The following DPP4 variants were observed in gnomAD, a reference collection of about 807,000 sequenced individuals.
The protein encoded by DPP4 is ADCP-2.
Under a neutral mutation model 122.4 loss-of-function variants are expected in DPP4, and 93 were observed. The observed-to-expected ratio is 0.76, with a 90% CI of 0.64 to 0.90. The LOEUF is 0.90. Among genes scored for constraint, DPP4 ranks in the 40% least tolerant of loss-of-function variants. The pLI is 0.00. For missense variants in DPP4, 914 were observed against 907.3 expected, an observed-to-expected ratio of 1.01 and a Z score of -0.09; for synonymous variants, 321 against 302.9, an observed-to-expected ratio of 1.06 and a Z score of -0.62.
chr2:162,039,277 T>C (rs1013231982), intron 5 of DPP4, 93 bp from the exon 6 acceptor site: 13 of 1,047,836 alleles, frequency 1.2e-5, no homozygotes, highest in Non-Finnish European at 1.6e-5. Flanking sequence ...TGGTAATATA[T>C]GATTGTATAA....
chr2:162,047,533 C>T (rs1044711014), intron 2 of DPP4, 32 bp from the exon 3 acceptor site: 1 of 1,448,392 alleles, frequency 6.9e-7, no homozygotes, highest in Non-Finnish European at 9.5e-7. Context: ...ATGTTCATTT[C>T]AGTAAGATGG....
intron 10 of DPP4, among the ~76,000 whole-genome samples, chr2:162,027,846 C>G (rs923779083): frequency 3.3e-5 from 5 of 152,050 alleles, no homozygotes; most frequent in African/African-American, 1.2e-4. Flanking sequence ...TCTTCCCTGC[C>G]CATTTTCAGA....
At chr2:162,037,416 T>C (rs1000841808) in intron 8 of DPP4, among the ~76,000 whole-genome samples, 1 of 152,196 alleles carries the variant, frequency 6.6e-6, no homozygotes, top group African/African-American at 2.4e-5. Context: ...TTCTAGGACA[T>C]GAAAAGTTAT....
chr2:162,003,319 C>G (rs1701198040), intron 23 of DPP4, among the ~76,000 whole-genome samples: 1 of 152,096 alleles, frequency 6.6e-6, no homozygotes, highest in Non-Finnish European at 1.5e-5. Flanking sequence ...AGAGGGGGAA[C>G]TCGGTGGGAA....
In DPP4 at chr2:162,045,425, T is replaced by A. The variant is rs577161753; in HGVS notation, c.366+107A>T. ...TGAATTAATGAGTTTTAGTGCCTAT[T>A]ACATTACTTAGATATTAATCTTAAG... On this transcript the variant is annotated intron_variant, in intron 5 of 25. Transcript: ENST00000360534. 1.0e-5 allele frequency: 8 copies of A among 783,322 alleles called. No homozygotes were observed. The East Asian group carries it at 2.1e-4, about 20-fold the overall frequency. The allele number at this position is 783,322 out of a possible 1,614,324, so 48.5% of individuals were successfully genotyped here. A position where few individuals can be genotyped will look rare whatever the true frequency, so the allele number is the denominator to read the frequency against.
At position 161,993,477 on chromosome 2, in the gene DPP4, A is replaced by T. The variant is rs1424348830; in HGVS notation, c.2200-93T>A. On this transcript the variant is annotated intron_variant, in intron 25 of 25. Transcript: ENST00000360534. ...AATTCAAATGAGCTCTCACGAGCAT[A>T]CATGGTATAAAACAGAGTGTTTTAA... 4.5e-6 allele frequency: 4 copies of T among 890,732 alleles called. No individual in the cohort carries two copies. The African/African-American group carries it at 6.7e-5, about 15-fold the overall frequency. 55.2% of individuals were successfully genotyped at this position (890,732 alleles called of 1,614,324 possible).
At chr2:162,050,646 A>C (rs1332382442) in intron 2 of DPP4, among the ~76,000 whole-genome samples, 1 of 152,202 alleles carries the variant, frequency 6.6e-6, no homozygotes, top group African/African-American at 2.4e-5. Context: ...AGAGCGGCTA[A>C]ATTGGAGCAA....
At chr2:162,057,657 A>T (rs990598884) in intron 2 of DPP4, among the ~76,000 whole-genome samples, 2 of 152,176 alleles carry the variant, frequency 1.3e-5, no homozygotes, top group African/African-American at 2.4e-5. Context: ...TTGATCTGAG[A>T]TCTTCTGTGT....
chr2:162,005,668 A>G, intron 23 of DPP4, 77 bp downstream of exon 23: 1 of 1,274,450 alleles, frequency 7.8e-7, no homozygotes, highest in Non-Finnish European at 1.1e-6. Flanking sequence ...TGTATTTTCT[A>G]GAATAGATAC....
At chr2:161,999,361 A>G (rs1462336390) in intron 23 of DPP4, among the ~76,000 whole-genome samples, 1 of 152,234 alleles carries the variant, frequency 6.6e-6, no homozygotes, top group Non-Finnish European at 1.5e-5. Context: ...TTGCCTATCC[A>G]TGGAAACAGA....
At position 162,073,395 on chromosome 2, in the gene DPP4, T is replaced by C. The variant is rs1323288927; in HGVS notation, c.94+4A>G. On this transcript the variant is annotated splice_donor_region_variant and intron_variant, in intron 2 of 25. Coordinates refer to ENST00000360534, the MANE Select transcript of DPP4 (RefSeq NM_001935.4). ...CCTATCTTTTTCAAATGTTTCAAAC[T>C]TACTGCCTTTGTTCAGCAGAACCAC... The C allele has an allele frequency of 1.2e-6, 2 of 1,613,794 alleles. No individual in the cohort carries two copies. The highest frequency in any genetic ancestry group is 1.7e-6 in the Non-Finnish European group (2 of 1,179,970).
chr2:162,017,185 G>A lies in DPP4; in HGVS notation c.1421-30C>T, dbSNP rs756507168. 3 of 1,597,164 alleles carry A rather than the reference G, an allele frequency of 1.9e-6. No individual in the cohort carries two copies. The East Asian group carries it at 6.7e-5, about 36-fold the overall frequency. On this transcript the variant is annotated intron_variant, in intron 16 of 25. Coordinates refer to ENST00000360534, the MANE Select transcript of DPP4 (RefSeq NM_001935.4). Reference sequence around the variant, plus strand: ...TAACACAATGGGGGAAAAATGTTTTGGATGAATACTTTTTTAGAAAAGATA... The same window carrying A: ...TAACACAATGGGGGAAAAATGTTTTAGATGAATACTTTTTTAGAAAAGATA...
intron 23 of DPP4, among the ~76,000 whole-genome samples, chr2:162,000,383 T>G (rs1244721785): frequency 6.6e-6 from 1 of 152,030 alleles, no homozygotes; most frequent in East Asian, 1.9e-4. Flanking sequence ...AGGAGAGAGC[T>G]CCCATCAACC....
At chr2:162,003,558 G>GT (rs1701206493) in intron 23 of DPP4, among the ~76,000 whole-genome samples, 1 of 152,122 alleles carries the variant, frequency 6.6e-6, no homozygotes, top group African/African-American at 2.4e-5. Context: ...TTAAATGAAC[G>GT]TTTTGGATTC....
At chr2:162,011,201 C>T (rs1216291293) in intron 20 of DPP4, among the ~76,000 whole-genome samples, 1 of 152,156 alleles carries the variant, frequency 6.6e-6, no homozygotes, top group African/African-American at 2.4e-5. Context: ...AGCCAGATCA[C>T]ATCTAGTTAT....
At chr2:162,047,608 C>T in intron 2 of DPP4, 107 bp from the exon 3 acceptor site, 2 of 631,846 alleles carry the variant, frequency 3.2e-6, no homozygotes, top group South Asian at 6.4e-5. Flanking sequence ...TCAAAAAATT[C>T]AGAAATATAC....
chr2:162,038,916 A>G (rs201288582), intron 7 of DPP4, 33 bp downstream of exon 7: 25 of 1,602,980 alleles, frequency 1.6e-5, no homozygotes, highest in South Asian at 2.2e-5. Context: ...ATTTGAGCCT[A>G]TATTTTTCTG....
At chr2:162,001,929 C>G (rs1701160282) in intron 23 of DPP4, among the ~76,000 whole-genome samples, 1 of 152,156 alleles carries the variant, frequency 6.6e-6, no homozygotes. Flanking sequence ...GGATGAACAT[C>G]TCCTTTCATC....
chr2:162,052,294 G>A (rs1684410224), intron 2 of DPP4, among the ~76,000 whole-genome samples: 2 of 147,910 alleles, frequency 1.4e-5, no homozygotes, highest in South Asian at 4.4e-4. Context: ...CTCCAGCCTG[G>A]GCAACAAGAG....
Sources: allele counts gnomAD v4.1 joint callset (sites outside exome capture counted in the v4.1 genomes callset), GRCh38; gene constraint gnomAD v4.1.1; transcripts MANE v1.5; gene names NCBI Gene and HGNC (gene_info 2026-07-23, HGNC 2026-07-21).